Variants in CC2D2A observed in about 807,000 individuals in gnomAD.
The protein encoded by CC2D2A is coiled-coil and C2 domain containing 2A.
Under a neutral mutation model 212.9 loss-of-function variants are expected in CC2D2A, and 155 were observed. That is an observed-to-expected ratio of 0.73 (90% confidence interval 0.64 to 0.83). The LOEUF (loss-of-function observed/expected upper bound fraction) is 0.83, where lower values mean the gene tolerates loss of function less well. CC2D2A is among the 40% of genes least tolerant of loss of function. The pLI is 0.00. For missense variants in CC2D2A, 1,856 were observed against 1,956.2 expected (o/e 0.95, Z 0.97); for synonymous variants, 667 against 686.5 (o/e 0.97, Z 0.44).
chr4:15,475,508 C>T (rs914632962), intron 1 of CC2D2A, among the ~76,000 whole-genome samples: 8 of 151,946 alleles, frequency 5.3e-5, no homozygotes, highest in African/African-American at 7.3e-5. Context: ...GAGGAGGTGG[C>T]GGTGGCTCCA....
At chr4:15,595,910 C>A (rs927968055) in intron 33 of CC2D2A, 175 bp from the exon 34 acceptor site, 1 of 421,884 alleles carries the variant, frequency 2.4e-6, no homozygotes, top group Non-Finnish European at 4.1e-6. Context: ...CTCTATGATG[C>A]CACTGATTGT....
At chr4:15,497,353 G>T (rs1358345490) in intron 4 of CC2D2A, among the ~76,000 whole-genome samples, 1 of 152,032 alleles carries the variant, frequency 6.6e-6, no homozygotes, top group Non-Finnish European at 1.5e-5. Flanking sequence ...ATATTTTATA[G>T]TCTATCCTGG....
chr4:15,511,171 C>T, intron 7 of CC2D2A, 76 bp from the exon 8 acceptor site: 1 of 1,446,426 alleles, frequency 6.9e-7, no homozygotes, highest in Non-Finnish European at 9.2e-7. Context: ...AGCATTAAGC[C>T]AGCTGTCAGT....
chr4:15,541,371 T>A (rs1718436201), intron 17 of CC2D2A, among the ~76,000 whole-genome samples: 1 of 152,028 alleles, frequency 6.6e-6, no homozygotes, highest in African/African-American at 2.4e-5. Context: ...GCCCCAATAA[T>A]TTTTTGTTCA....
rs1028991747 is a variant in CC2D2A at position 15,601,501 on chromosome 4, C to T, written c.*76C>T. 2.4e-6 allele frequency: 2 copies of T among 844,724 alleles called. No individual in the cohort carries two copies. The highest frequency in any genetic ancestry group is 3.5e-5 in the African/African-American group (2 of 57,694). 52.3% of individuals were successfully genotyped at this position (844,724 alleles called of 1,614,324 possible). On this transcript the variant is annotated 3_prime_UTR_variant, in exon 37 of 37. Transcript: ENST00000424120. ...AGAAAATTTTAAATTATATGCATCA[C>T]ATCAGAAGAACATATTATTGGCAAA... is the stretch of plus-strand genomic sequence containing the variant.
Position 15,536,862 on chromosome 4 carries a change from T to C in CC2D2A, c.1608-58T>C, listed in dbSNP as rs111411160. On this transcript the variant is annotated intron_variant, in intron 14 of 36. Coordinates refer to ENST00000424120, the MANE Select transcript of CC2D2A (RefSeq NM_001378615.1). ...AGTCCAATATAAGTATTTGCTGTTA[T>C]TATTGCTCTCTTACTTAATTTCCAG... is the stretch of plus-strand genomic sequence containing the variant. 7.2e-3 allele frequency: 11,001 copies of C among 1,531,092 alleles called. 61 individuals are homozygous for C. Among genetic ancestry groups the C allele is most frequent in the Non-Finnish European group, 8.9e-3 (9,922 of 1,120,522 alleles). 94.8% of individuals were successfully genotyped at this position (1,531,092 alleles called of 1,614,324 possible).
intron 1 of CC2D2A, among the ~76,000 whole-genome samples, chr4:15,471,073 CT>C (rs1422728792): frequency 4.6e-5 from 7 of 152,030 alleles, no homozygotes; most frequent in African/African-American, 1.7e-4. Context: ...TTATATCGAG[CT>C]GATTAAATGA....
chr4:15,523,918 G>C (rs1020127563), intron 11 of CC2D2A, among the ~76,000 whole-genome samples: 2 of 152,150 alleles, frequency 1.3e-5, no homozygotes, highest in African/African-American at 4.8e-5. Context: ...CTAGTCAGTG[G>C]CAAGTGGATC....
chr4:15,601,154 T>TTAC, intron 36 of CC2D2A, 83 bp from the exon 37 acceptor site: 1 of 1,100,832 alleles, frequency 9.1e-7, no homozygotes, highest in South Asian at 1.4e-5. Flanking sequence ...AGAACACTTA[T>TTAC]CTTAATTGCA....
chr4:15,597,587 T>A, intron 35 of CC2D2A, 122 bp downstream of exon 35: 1 of 774,862 alleles, frequency 1.3e-6, no homozygotes, highest in Non-Finnish European at 2.2e-6. Context: ...AATTCATGTT[T>A]ATAGATTCCA....
intron 1 of CC2D2A, among the ~76,000 whole-genome samples, chr4:15,470,527 T>C (rs561170227): frequency 6.6e-6 from 1 of 152,224 alleles, no homozygotes; most frequent in South Asian, 2.1e-4. Context: ...CTTAAGCTGA[T>C]TGTTTGTTTC....
At chr4:15,572,436 C>T (rs763878765) in intron 28 of CC2D2A, among the ~76,000 whole-genome samples, 2 of 151,986 alleles carry the variant, frequency 1.3e-5, no homozygotes, top group Non-Finnish European at 2.9e-5. Context: ...TTTATTACTT[C>T]TGTCATTTAA....
In CC2D2A at chr4:15,502,421, T is replaced by TTTTTAAG. The variant is rs750398145; in HGVS notation, c.248-4_248-3insAAGTTTT. On this transcript the variant is annotated splice_polypyrimidine_tract_variant and splice_region_variant and intron_variant, in intron 4 of 36. Coordinates refer to ENST00000424120, the MANE Select transcript of CC2D2A (RefSeq NM_001378615.1). ...TTATTTTGTTTTGTTTTTGTTTTTG[T>TTTTTAAG]TTTTTAGGCTTACCTCCAATTCCTT... The TTTTTAAG allele has an allele frequency of 7.2e-5, 114 of 1,583,800 alleles. No homozygotes were observed. Among genetic ancestry groups the TTTTTAAG allele is most frequent in the Non-Finnish European group, 9.4e-5 (110 of 1,170,784 alleles).
intron 24 of CC2D2A, among the ~76,000 whole-genome samples, chr4:15,566,642 C>T (rs541508974): frequency 7.9e-5 from 12 of 152,242 alleles, no homozygotes; most frequent in Admixed American, 7.8e-4. Context: ...GAATGTTTGT[C>T]ACCACAGCCA....
chr4:15,531,342 C>T (rs73237154), intron 13 of CC2D2A, among the ~76,000 whole-genome samples: 3 of 152,194 alleles, frequency 2.0e-5, no homozygotes, highest in Admixed American at 2.0e-4. Context: ...ACACCACCCT[C>T]TCCTGGGTGT....
chr4:15,599,699 A>T lies in CC2D2A; in HGVS notation c.4667A>T (p.Asp1556Val), dbSNP rs201502401. Reference sequence around the variant, plus strand: ...GCAGAACTGCTAAAACAGCTGGGAGACTACAGGGTAAGTTACAAATGGATC... The same window carrying T: ...GCAGAACTGCTAAAACAGCTGGGAGTCTACAGGGTAAGTTACAAATGGATC... ...HRAELLKQLG[D>V]YRFSGFPLHM... Residue 1556 changes from aspartate to valine, a missense_variant, in exon 36 of 37, where the codon GAC becomes GTC. By Grantham distance (152) the Asp-to-Val change is radical. Transcript: ENST00000424120. 3.0e-4 allele frequency: 485 copies of T among 1,602,888 alleles called. No individual in the cohort carries two copies. The highest frequency in any genetic ancestry group is 3.9e-4 in the Non-Finnish European group (455 of 1,171,766).
At chr4:15,500,022 T>C (rs1328271239) in intron 4 of CC2D2A, among the ~76,000 whole-genome samples, 1 of 151,384 alleles carries the variant, frequency 6.6e-6, no homozygotes, top group East Asian at 1.9e-4. Context: ...CATAACTGAG[T>C]AATTGTGTCA....
Position 15,469,882 on chromosome 4 carries a change from A to C in CC2D2A, c.-194A>C, listed in dbSNP as rs1366394735. 6.6e-6 allele frequency: 1 copy of C among 151,708 alleles called. No individual in the cohort carries two copies. The highest frequency in any genetic ancestry group is 1.5e-5 in the Non-Finnish European group (1 of 68,008). The allele number at this position is 151,708 out of a possible 1,614,324, so 9.4% of individuals were successfully genotyped here. A position where few individuals can be genotyped will look rare whatever the true frequency, so the allele number is the denominator to read the frequency against. On this transcript the variant is annotated 5_prime_UTR_variant, in exon 1 of 37. Transcript: ENST00000424120. ...TGACCTTCCTTAGGAACGGGTTGCT[A>C]AGCTGGTGTTTTTGCTCCAAGACAT... is the stretch of plus-strand genomic sequence containing the variant.
chr4:15,540,933 A>G lies in CC2D2A; in HGVS notation c.2100A>G (p.Pro700=), dbSNP rs1204392275. ...AGGTGTCCAGGACAGTCAGTCGGCC[A>G]CTAGGAGCAGACTTCCGAGTTCACT... is the stretch of plus-strand genomic sequence containing the variant. ...NKEVSRTVSR[P]LGADFRVHFG... The change falls in exon 17 of 37, where the codon CCA becomes CCG. Residue 700 remains proline, a synonymous_variant. Coordinates refer to ENST00000424120, the MANE Select transcript of CC2D2A (RefSeq NM_001378615.1). 1 of 1,570,326 alleles carries G rather than the reference A, an allele frequency of 6.4e-7. No individual in the cohort carries two copies. Among genetic ancestry groups the G allele is most frequent in the South Asian group, 1.2e-5 (1 of 85,166 alleles).
Sources: gnomAD v4.1 joint callset for allele counts (sites outside exome capture counted in the v4.1 genomes callset) on GRCh38, gnomAD v4.1.1 for gene constraint, MANE v1.5 for transcripts, NCBI Gene and HGNC (gene_info 2026-07-23, HGNC 2026-07-21) for gene names.